The following TXNL4A variants were observed in gnomAD, a reference collection of about 807,000 sequenced individuals.
TXNL4A encodes the protein thioredoxin like 4A, also known as thioredoxin-like protein 4A.
TXNL4A carries 17 observed loss-of-function variants against 14.6 expected under a neutral mutation model. The ratio of observed to expected loss-of-function variants is 1.16; its 90% CI spans 0.80 to 1.74. The LOEUF is 1.74. TXNL4A is among the 40% of genes most tolerant of loss of function. The probability of loss-of-function intolerance (pLI) is 0.00; values close to 1 mark genes in which losing one functional copy is unlikely to be tolerated. For synonymous variants in TXNL4A, 83 were observed against 70.6 expected (o/e 1.18, Z -0.88); for missense variants, 74 against 195.2 (o/e 0.38, Z 3.70).
At chr18:80,001,181 T>C (rs1229818008) in intron 1 of TXNL4A, among the ~76,000 whole-genome samples, 2 of 152,214 alleles carry the variant, frequency 1.3e-5, no homozygotes, top group African/African-American at 4.8e-5. Context: ...CTTCAAAGAA[T>C]GGAAGCTCTA....
chr18:79,975,521 C>T (rs531627462), intron 2 of TXNL4A, among the ~76,000 whole-genome samples: 25 of 152,250 alleles, frequency 1.6e-4, no homozygotes, highest in Non-Finnish European at 2.9e-4. Context: ...GGCTGGCCTC[C>T]ACTGCACGCT....
intron 1 of TXNL4A, among the ~76,000 whole-genome samples, chr18:80,033,074 A>G (rs1326521741): frequency 7.0e-6 from 1 of 142,014 alleles, no homozygotes; most frequent in East Asian, 2.2e-4. Context: ...AGAAAGGCGT[A>G]GACCTGTCTC....
Position 80,011,637 on chromosome 18 carries a change from C to T in TXNL4A, c.-61+22214G>A, listed in dbSNP as rs1436044128. ...TTATTGCCTTCATGTCTTTATGCCC[C>T]GAGAGCACAACCGCTCGGCGGCATT... On this transcript the variant is annotated intron_variant, in intron 1 of 2. Coordinates refer to the TXNL4A transcript ENST00000585474. The surrounding 1 kb of genome is among the most constrained non-coding windows in gnomAD (Gnocchi z 4.1). Among the ~76,000 whole-genome samples the T allele has an allele frequency of 1.3e-5, 2 of 152,126 alleles. No individual in the cohort carries two copies. The highest frequency in any genetic ancestry group is 6.5e-5 in the Admixed American group (1 of 15,276).
At chr18:79,977,336 T>G (rs2051394749) in intron 2 of TXNL4A, 1 of 511,068 alleles carries the variant, frequency 2.0e-6, no homozygotes, top group African/African-American at 2.0e-5. Context: ...ACAACATCTT[T>G]CATTGAATTA....
In TXNL4A at chr18:80,011,044, A is replaced by C. The variant is rs1314822558; in HGVS notation, c.-61+22807T>G. 6.6e-6 allele frequency among the ~76,000 whole-genome samples: 1 copy of C among 151,872 alleles called. No homozygotes were observed. Among genetic ancestry groups the C allele is most frequent in the Non-Finnish European group, 1.5e-5 (1 of 67,970 alleles). ...TAGGGTTCCTCCTGGGGTTGGTTTA[A>C]GGGTCCGCGGAAGAAAGGCACATCC... On this transcript the variant is annotated intron_variant, in intron 1 of 2. Coordinates refer to the TXNL4A transcript ENST00000585474. The surrounding 1 kb of genome is among the most constrained non-coding windows in gnomAD (Gnocchi z 4.1).
intron 1 of TXNL4A, among the ~76,000 whole-genome samples, chr18:79,978,834 AT>A (rs551151098): frequency 6.1e-4 from 93 of 151,386 alleles, no homozygotes; most frequent in African/African-American, 2.1e-3. Context: ...ATAGATATAT[AT>A]TTTTTAATTT....
chr18:79,999,311 G>A (rs1007329463), intron 1 of TXNL4A, among the ~76,000 whole-genome samples: 2 of 151,956 alleles, frequency 1.3e-5, no homozygotes, highest in East Asian at 1.9e-4. Context: ...CGAGGCGGGC[G>A]GATCACATGA....
At chr18:80,024,586 C>A (rs187159480) in intron 1 of TXNL4A, among the ~76,000 whole-genome samples, 1 of 152,178 alleles carries the variant, frequency 6.6e-6, no homozygotes, top group East Asian at 1.9e-4. Flanking sequence ...AAATAGAGCA[C>A]CTTGCTTCCC....
chr18:79,991,598 T>C (rs1198959352), upstream of TXNL4A, among the ~76,000 whole-genome samples: 4 of 152,258 alleles, frequency 2.6e-5, no homozygotes, highest in African/African-American at 9.6e-5. Context: ...GTAATGCTGC[T>C]ATGAACATTC....
chr18:80,024,193 A>C (rs1249807685), intron 1 of TXNL4A, among the ~76,000 whole-genome samples: 2 of 152,100 alleles, frequency 1.3e-5, no homozygotes, highest in African/African-American at 4.8e-5. Flanking sequence ...TGTTTAAAAA[A>C]AAAAAAACTC....
At chr18:80,001,500 A>G (rs887735725) in intron 1 of TXNL4A, among the ~76,000 whole-genome samples, 1 of 152,026 alleles carries the variant, frequency 6.6e-6, no homozygotes, top group African/African-American at 2.4e-5. Flanking sequence ...TGGCCCTGGA[A>G]GAGCCACAGA....
chr18:80,003,005 C>A (rs1402536412), intron 1 of TXNL4A, among the ~76,000 whole-genome samples: 1 of 152,228 alleles, frequency 6.6e-6, no homozygotes, highest in Admixed American at 6.5e-5. Flanking sequence ...AGTAGGAAGG[C>A]CCACTGCTGG....
chr18:80,018,629 C>T (rs9957836), intron 1 of TXNL4A, among the ~76,000 whole-genome samples: 6,083 of 152,082 alleles, frequency 0.04, 398 homozygotes, highest in African/African-American at 0.14. Context: ...ATCAAAAAGA[C>T]GCAATAAAAA....
intron 1 of TXNL4A, among the ~76,000 whole-genome samples, chr18:80,013,167 C>G (rs1375100176): frequency 2.0e-5 from 3 of 148,616 alleles, no homozygotes; most frequent in African/African-American, 7.5e-5. Context: ...GTCCCCCAGG[C>G]TGGAGCACAG....
At chr18:79,975,754 G>A (rs186212923) in intron 2 of TXNL4A, among the ~76,000 whole-genome samples, 2 of 152,246 alleles carry the variant, frequency 1.3e-5, no homozygotes, top group African/African-American at 4.8e-5. Flanking sequence ...CACGGGGTCC[G>A]CAGTTATAGG....
At chr18:80,005,548 A>C (rs2051724343) in intron 1 of TXNL4A, among the ~76,000 whole-genome samples, 1 of 152,250 alleles carries the variant, frequency 6.6e-6, no homozygotes, top group Admixed American at 6.5e-5. Flanking sequence ...TACTGGATAA[A>C]TGAATATGGA....
At chr18:80,018,900 T>C (rs566218275) in intron 1 of TXNL4A, among the ~76,000 whole-genome samples, 1 of 152,220 alleles carries the variant, frequency 6.6e-6, no homozygotes. Flanking sequence ...GTATCTTTGC[T>C]AAAACAAAAC....
intron 1 of TXNL4A, among the ~76,000 whole-genome samples, chr18:80,012,849 G>T (rs62102576): frequency 1.3e-5 from 2 of 150,070 alleles, no homozygotes; most frequent in Admixed American, 6.6e-5. Flanking sequence ...TTTTTTTTGG[G>T]ACCGGGGTCC....
Position 80,004,549 on chromosome 18 carries a change from G to A in TXNL4A, c.-60-26848C>T, listed in dbSNP as rs116725410. Reference sequence around the variant, plus strand: ...GGGGATTCGCACTTCCTTGCAGCAGGAGCTCTGGGTTACTTTGCTGGTTGA... The same window carrying A: ...GGGGATTCGCACTTCCTTGCAGCAGAAGCTCTGGGTTACTTTGCTGGTTGA... On this transcript the variant is annotated intron_variant, in intron 1 of 2. Coordinates refer to the TXNL4A transcript ENST00000585474. 6.7e-3 allele frequency among the ~76,000 whole-genome samples: 1,019 copies of A among 152,266 alleles called. 10 individuals are homozygous for A. The highest frequency in any genetic ancestry group is 0.022 in the African/African-American group (897 of 41,556).
Sources: gnomAD v4.1 joint callset for allele counts (sites outside exome capture counted in the v4.1 genomes callset) on GRCh38, gnomAD v4.1.1 for gene constraint, Gnocchi (gnomAD v3.1) non-coding constraint, MANE v1.5 for transcripts, NCBI Gene and HGNC (gene_info 2026-07-23, HGNC 2026-07-21) for gene names.